QRSL1: variants seen among roughly 807,000 people sequenced by gnomAD.
The protein encoded by QRSL1 is glutamyl-tRNA(Gln) amidotransferase subunit A, mitochondrial.
Under a neutral mutation model 61.6 loss-of-function variants are expected in QRSL1, and 54 were observed. The observed-to-expected ratio is 0.88, with a 90% CI of 0.70 to 1.10. QRSL1 has a LOEUF of 1.10. Ranked by LOEUF, QRSL1 falls within the 50% of genes least tolerant of loss-of-function variation. QRSL1 has a pLI of 0.00. For missense variants in QRSL1, 505 were observed against 622.6 expected (o/e 0.81, Z 2.01); for synonymous variants, 228 against 225.7 (o/e 1.01, Z -0.09).
chr6:106,650,059 T>G (rs1436559893), intron 5 of QRSL1, among the ~76,000 whole-genome samples: 1 of 152,188 alleles, frequency 6.6e-6, no homozygotes, highest in African/African-American at 2.4e-5. Context: ...AAAATCTTAT[T>G]AACAAGTAAA....
At chr6:106,652,422 C>G (rs1251135036) in intron 6 of QRSL1, 38 bp downstream of exon 6, 6 of 1,613,446 alleles carry the variant, frequency 3.7e-6, no homozygotes, top group Non-Finnish European at 4.2e-6. Flanking sequence ...AACAGCTTCT[C>G]TATAAAACAA....
intron 9 of QRSL1, among the ~76,000 whole-genome samples, chr6:106,656,657 G>A (rs1055975069): frequency 2.0e-5 from 3 of 152,146 alleles, no homozygotes; most frequent in Non-Finnish European, 4.4e-5. Context: ...CCGATAGTTA[G>A]AATTACTTTT....
At chr6:106,643,591 A>C (rs1160669839) in intron 4 of QRSL1, among the ~76,000 whole-genome samples, 1 of 151,928 alleles carries the variant, frequency 6.6e-6, no homozygotes, top group Non-Finnish European at 1.5e-5. Flanking sequence ...GAGGCGGGAG[A>C]ATCGCTTGAA....
intron 1 of QRSL1, among the ~76,000 whole-genome samples, chr6:106,637,149 G>C (rs113065030): frequency 2.7e-3 from 408 of 152,278 alleles, no homozygotes; most frequent in African/African-American, 9.0e-3. Context: ...TGTGGTTGTG[G>C]AACTAAGGTC....
At chr6:106,639,526 C>A (rs1210300686) in intron 1 of QRSL1, among the ~76,000 whole-genome samples, 1 of 152,198 alleles carries the variant, frequency 6.6e-6, no homozygotes, top group Non-Finnish European at 1.5e-5. Context: ...CCCCTATTCT[C>A]CTTTTCTCTC....
At chr6:106,633,416 C>A (rs1401639581) in intron 1 of QRSL1, among the ~76,000 whole-genome samples, 1 of 152,072 alleles carries the variant, frequency 6.6e-6, no homozygotes, top group Non-Finnish European at 1.5e-5. Context: ...GTTCAAATTT[C>A]TTCATAATAC....
At chr6:106,660,030 A>G (rs924404828) in intron 9 of QRSL1, among the ~76,000 whole-genome samples, 12 of 152,060 alleles carry the variant, frequency 7.9e-5, no homozygotes, top group Non-Finnish European at 1.6e-4. Context: ...CCTTCTATTC[A>G]GCACCCTGCT....
intron 1 of QRSL1, among the ~76,000 whole-genome samples, chr6:106,632,000 C>G (rs540307285): frequency 6.6e-6 from 1 of 152,332 alleles, no homozygotes. Flanking sequence ...TCATTCTACT[C>G]TACCTCCACG....
intron 1 of QRSL1, among the ~76,000 whole-genome samples, chr6:106,634,673 G>A (rs1299652452): frequency 6.6e-6 from 1 of 152,104 alleles, no homozygotes; most frequent in African/African-American, 2.4e-5. Context: ...GGCTGAGGTG[G>A]GAGGATCACT....
At chr6:106,657,659 C>T (rs931447102) in intron 9 of QRSL1, among the ~76,000 whole-genome samples, 11 of 152,080 alleles carry the variant, frequency 7.2e-5, no homozygotes, top group Admixed American at 3.9e-4. Context: ...AAATGGGATT[C>T]GGAATACTTT....
Position 106,649,034 on chromosome 6 carries a change from C to T in QRSL1, c.390C>T (p.Ser130=). The T allele has an allele frequency of 6.2e-7, 1 of 1,609,478 alleles. No individual in the cohort carries two copies. Among genetic ancestry groups the T allele is most frequent in the Non-Finnish European group, 8.5e-7 (1 of 1,177,406 alleles). Residue 130 remains serine (S), a synonymous_variant, in exon 5 of 11, where the codon AGC becomes AGT. Coordinates refer to ENST00000369046, the MANE Select transcript of QRSL1 (RefSeq NM_018292.5). ...TTCACTTCGTCATCAGATCTGGGAGCACAGATGGTGTATTTGGACCAGTTA... is the reference window on the plus strand; with the variant it reads ...TTCACTTCGTCATCAGATCTGGGAGTACAGATGGTGTATTTGGACCAGTTA... ...NLDEFAMGSG[S]TDGVFGPVKN... is the part of the protein sequence containing the mutation.
chr6:106,637,819 G>A (rs1352684549), intron 1 of QRSL1, among the ~76,000 whole-genome samples: 1 of 152,160 alleles, frequency 6.6e-6, no homozygotes, highest in Non-Finnish European at 1.5e-5. Flanking sequence ...TATGTTTCCT[G>A]CTTCTTATGC....
intron 9 of QRSL1, among the ~76,000 whole-genome samples, chr6:106,656,103 G>A (rs1777266740): frequency 6.6e-6 from 1 of 152,182 alleles, no homozygotes; most frequent in Non-Finnish European, 1.5e-5. Context: ...TGTATTAGAT[G>A]TTACAAGTAA....
Position 106,652,545 on chromosome 6 carries a change from T to C in QRSL1, c.812T>C (p.Leu271Ser). The C allele has an allele frequency of 6.2e-7, 1 of 1,614,250 alleles. No individual in the cohort carries two copies. The highest frequency in any genetic ancestry group is 1.1e-5 in the South Asian group (1 of 91,086). ...AATAAACCATTCATGCTTCCCAGTT[T>C]GGCAGATGTGAGCAAACTATGTATA... Reference protein sequence around the residue: ...PINKPFMLPSLADVSKLCIGI... With the variant: ...PINKPFMLPSSADVSKLCIGI... Residue 271 changes from leucine to serine, a missense_variant, in exon 7 of 11, where the codon TTG becomes TCG. Leu to Ser is a moderately radical substitution (Grantham distance 145, BLOSUM62 -2). Coordinates refer to ENST00000369046, the MANE Select transcript of QRSL1 (RefSeq NM_018292.5).
intron 9 of QRSL1, among the ~76,000 whole-genome samples, chr6:106,660,704 T>C (rs1035665137): frequency 2.6e-5 from 4 of 152,010 alleles, no homozygotes; most frequent in African/African-American, 9.7e-5. Flanking sequence ...TGAACGGAGA[T>C]TTACTGGCTC....
At chr6:106,631,857 CTA>C (rs1298677823) in intron 1 of QRSL1, among the ~76,000 whole-genome samples, 1 of 152,160 alleles carries the variant, frequency 6.6e-6, no homozygotes, top group Non-Finnish European at 1.5e-5. Context: ...GTACAATAAA[CTA>C]TTGTTGACTG....
intron 8 of QRSL1, 123 bp downstream of exon 8, chr6:106,655,045 G>A (rs1426206328): frequency 1.1e-6 from 1 of 886,864 alleles, no homozygotes; most frequent in Non-Finnish European, 1.7e-6. Context: ...GTTCATCAGT[G>A]AATCATTTTA....
intron 1 of QRSL1, among the ~76,000 whole-genome samples, chr6:106,639,123 T>TTTG (rs796543194): frequency 0.019 from 1,116 of 58,202 alleles, 110 homozygotes; most frequent in African/African-American, 0.062. Flanking sequence ...TTTGTTGTTT[T>TTTG]TTTTTTTTTT....
chr6:106,655,560 A>G, intron 8 of QRSL1, 55 bp from the exon 9 acceptor site: 1 of 1,251,214 alleles, frequency 8.0e-7, no homozygotes, highest in Non-Finnish European at 1.2e-6. Flanking sequence ...TTTTAGCCAA[A>G]ACTTTACTGA....
Sources: gnomAD v4.1 joint callset for allele counts (sites outside exome capture counted in the v4.1 genomes callset) on GRCh38, gnomAD v4.1.1 for gene constraint, MANE v1.5 for transcripts, NCBI Gene and HGNC (gene_info 2026-07-23, HGNC 2026-07-21) for gene names.